CA5A: variants seen among roughly 807,000 people sequenced by gnomAD.
CA5A encodes carbonic anhydrase 5A, also known as carbonic anhydrase 5A, mitochondrial.
In CA5A, 28 loss-of-function variants were observed where a neutral mutation model predicts 37.1. That is an observed-to-expected ratio of 0.75 (90% CI 0.56 to 1.03). The LOEUF (loss-of-function observed/expected upper bound fraction) is 1.03, where lower values mean the gene tolerates loss of function less well. Among genes scored for constraint, CA5A ranks in the 50% least tolerant of loss-of-function variants. The pLI is 0.00. For missense variants in CA5A, 444 were observed against 399.9 expected (o/e 1.11, Z -0.94); for synonymous variants, 171 against 158.4 (o/e 1.08, Z -0.60).
chr16:87,928,235 A>G lies in CA5A; in HGVS notation c.143-1290T>C, dbSNP rs113039465. 2.7e-3 allele frequency among the ~76,000 whole-genome samples: 411 copies of G among 152,236 alleles called. 1 individual carries two copies. Among genetic ancestry groups the G allele is most frequent in the African/African-American group, 9.4e-3 (391 of 41,528 alleles). On this transcript the variant is annotated intron_variant, in intron 1 of 6. Coordinates refer to ENST00000649794, the MANE Select transcript of CA5A (RefSeq NM_001739.2). The stretch of plus-strand genomic sequence containing the variant: ...CCCAGGCTGGAGTGTAGTGGTGTCA[A>G]TCACTGCAGCCTTGAACCCCTAGGC...
At chr16:87,905,829 C>T (rs1388913747) in intron 2 of CA5A, among the ~76,000 whole-genome samples, 1 of 152,246 alleles carries the variant, frequency 6.6e-6, no homozygotes, top group Non-Finnish European at 1.5e-5. Flanking sequence ...CTGCAGGCCT[C>T]GGGGTGCCCC....
At chr16:87,902,871 C>T (rs575322252) in intron 3 of CA5A, among the ~76,000 whole-genome samples, 1 of 151,350 alleles carries the variant, frequency 6.6e-6, no homozygotes, top group Non-Finnish European at 1.5e-5. Flanking sequence ...GAGATTGTGC[C>T]ACTGCACTCC....
chr16:87,918,460 TG>T (rs149996497), intron 2 of CA5A, among the ~76,000 whole-genome samples: 31,698 of 151,208 alleles, frequency 0.21, 3,722 homozygotes, highest in South Asian at 0.33. Flanking sequence ...AAAGAGCCCT[TG>T]CCGCCACCTC....
chr16:87,913,423 C>T (rs1424081950), intron 2 of CA5A, among the ~76,000 whole-genome samples: 1 of 151,946 alleles, frequency 6.6e-6, no homozygotes, highest in Non-Finnish European at 1.5e-5. Context: ...CCCTCTCTGC[C>T]TCCTGAGTAG....
downstream of CA5A, chr16:87,886,766 G>T (rs1325307506): frequency 6.6e-6 from 1 of 152,188 alleles, no homozygotes; most frequent in African/African-American, 2.4e-5. Flanking sequence ...TCACAGAAGA[G>T]CCCATCCATT....
chr16:87,926,409 A>C (rs1273646386), intron 2 of CA5A, among the ~76,000 whole-genome samples: 4 of 151,982 alleles, frequency 2.6e-5, no homozygotes, highest in Non-Finnish European at 5.9e-5. Flanking sequence ...TCCTCTTCCG[A>C]CGCGCAAAGT....
intron 6 of CA5A, among the ~76,000 whole-genome samples, chr16:87,889,312 C>T (rs929362022): frequency 1.4e-4 from 22 of 152,082 alleles, no homozygotes; most frequent in African/African-American, 5.1e-4. Context: ...GCCTAGGCCC[C>T]CAAAGTGCTG....
At chr16:87,894,523 A>G (rs1438090654) in intron 5 of CA5A, among the ~76,000 whole-genome samples, 1 of 151,924 alleles carries the variant, frequency 6.6e-6, no homozygotes, top group Non-Finnish European at 1.5e-5. Context: ...TGGCAGACAC[A>G]TGCATCAGTT....
At chr16:87,925,392 C>T (rs1270581184) in intron 2 of CA5A, 6 of 152,274 alleles carry the variant, frequency 3.9e-5, no homozygotes, top group Non-Finnish European at 8.8e-5. Flanking sequence ...CTTAATTCTC[C>T]CCTAAACCAG....
At chr16:87,932,355 G>A (rs1351131060) in intron 1 of CA5A, among the ~76,000 whole-genome samples, 1 of 152,172 alleles carries the variant, frequency 6.6e-6, no homozygotes, top group African/African-American at 2.4e-5. Flanking sequence ...AGAGACACAG[G>A]TTGTGGGAAG....
At chr16:87,887,060 A>C (rs938346322), downstream of CA5A, 1 of 151,568 alleles carries the variant, frequency 6.6e-6, no homozygotes, top group Non-Finnish European at 1.5e-5. Flanking sequence ...GAGCCACCAC[A>C]CCTAGCTCAT....
intron 2 of CA5A, among the ~76,000 whole-genome samples, chr16:87,917,485 G>A (rs1390442613): frequency 6.6e-6 from 1 of 152,248 alleles, no homozygotes; most frequent in African/African-American, 2.4e-5. Flanking sequence ...TCTGTAGAGA[G>A]AGAGGGGACA....
intron 1 of CA5A, among the ~76,000 whole-genome samples, chr16:87,930,807 C>G (rs2056392176): frequency 6.6e-6 from 1 of 150,498 alleles, no homozygotes; most frequent in East Asian, 2.0e-4. Flanking sequence ...GTGACGCGAT[C>G]TCAGCTCACT....
At position 87,903,841 on chromosome 16, in the gene CA5A, G is replaced by T. The variant is rs547979147; in HGVS notation, c.459+945C>A. ...AATATGGCAAAAATGATCATCACAG[G>T]ACTGAGACATCAAACTCGTAGATTC... On this transcript the variant is annotated intron_variant, in intron 3 of 6. Transcript: ENST00000649794. Among the ~76,000 whole-genome samples the T allele has an allele frequency of 6.6e-5, 10 of 152,250 alleles. No homozygotes were observed. In the East Asian group the frequency reaches 1.7e-3, roughly 26 times the overall value.
intron 5 of CA5A, among the ~76,000 whole-genome samples, chr16:87,897,383 C>G (rs1207371834): frequency 1.3e-5 from 2 of 152,236 alleles, no homozygotes; most frequent in Non-Finnish European, 2.9e-5. Flanking sequence ...AAAGGCGAAG[C>G]CTTGAGGTCT....
intron 5 of CA5A, among the ~76,000 whole-genome samples, chr16:87,897,752 T>C (rs540063624): frequency 3.3e-5 from 5 of 152,350 alleles, no homozygotes; most frequent in African/African-American, 1.2e-4. Flanking sequence ...AGCTGTGTGC[T>C]CGGGCAAGGC....
chr16:87,929,907 A>G (rs1426785890), intron 1 of CA5A, among the ~76,000 whole-genome samples: 1 of 151,296 alleles, frequency 6.6e-6, no homozygotes, highest in Non-Finnish European at 1.5e-5. Context: ...TAAGTAAACC[A>G]TCAGAAGTCA....
At chr16:87,893,349 G>A (rs367606264) in intron 5 of CA5A, 3 of 395,034 alleles carry the variant, frequency 7.6e-6, no homozygotes, top group South Asian at 2.1e-5. Flanking sequence ...GGATGGTCTC[G>A]ATCTCCTGAC....
At chr16:87,933,659 T>C (rs182167852) in intron 1 of CA5A, among the ~76,000 whole-genome samples, 48 of 152,316 alleles carry the variant, frequency 3.2e-4, no homozygotes, top group Admixed American at 1.2e-3. Context: ...GTGCTGGGAT[T>C]ACAGGTGTGA....
Sources: allele counts gnomAD v4.1 joint callset (sites outside exome capture counted in the v4.1 genomes callset), GRCh38; gene constraint gnomAD v4.1.1; transcripts MANE v1.5; gene names NCBI Gene and HGNC (gene_info 2026-07-23, HGNC 2026-07-21).